Variants in NCAM1 observed in about 807,000 individuals in gnomAD.
NCAM1 encodes the protein antigen recognized by monoclonal antibody 5.1H11.
Under a neutral mutation model 109.8 loss-of-function variants are expected in NCAM1, and 14 were observed. The observed-to-expected ratio is 0.13, with a 90% CI of 0.08 to 0.20. NCAM1 has a LOEUF of 0.20. Among genes scored for constraint, NCAM1 ranks in the 10% least tolerant of loss-of-function variants. The pLI is 1.00. For missense variants in NCAM1, 774 were observed against 1,109.9 expected (o/e 0.70, Z 4.30); for synonymous variants, 418 against 442.9 (o/e 0.94, Z 0.70).
intron 7 of NCAM1, 81 bp from the exon 8 acceptor site, chr11:113,214,288 T>C (rs1944465476): frequency 1.4e-6 from 2 of 1,470,148 alleles, no homozygotes; most frequent in Admixed American, 3.8e-5. Flanking sequence ...AGCTAACCTT[T>C]GTTGGATAGG....
intron 1 of NCAM1, among the ~76,000 whole-genome samples, chr11:113,136,628 G>T (rs1342990455): frequency 6.6e-6 from 1 of 152,214 alleles, no homozygotes; most frequent in African/African-American, 2.4e-5. Context: ...GCTTCACAAA[G>T]ATTTGTCTTC....
chr11:113,006,730 A>G (rs1555073391), intron 1 of NCAM1, among the ~76,000 whole-genome samples: 1 of 152,182 alleles, frequency 6.6e-6, no homozygotes, highest in Admixed American at 6.5e-5. Flanking sequence ...AGGTGATAAG[A>G]CAAACATAAT....
At chr11:113,110,273 A>G (rs1216063945) in intron 1 of NCAM1, among the ~76,000 whole-genome samples, 3 of 152,184 alleles carry the variant, frequency 2.0e-5, no homozygotes, top group Non-Finnish European at 4.4e-5. Context: ...CCTGGCATGT[A>G]TTATGGCCTT....
At chr11:113,061,059 C>T (rs1359421063) in intron 1 of NCAM1, among the ~76,000 whole-genome samples, 1 of 152,184 alleles carries the variant, frequency 6.6e-6, no homozygotes, top group African/African-American at 2.4e-5. Flanking sequence ...ATCAACACCT[C>T]TCCATTTCCT....
At chr11:113,223,086 T>A (rs781799269) in intron 9 of NCAM1, among the ~76,000 whole-genome samples, 1 of 152,122 alleles carries the variant, frequency 6.6e-6, no homozygotes, top group Non-Finnish European at 1.5e-5. Context: ...ACCTTCATAT[T>A]TTTGGGGAAA....
At chr11:113,033,346 T>C (rs940399183) in intron 1 of NCAM1, among the ~76,000 whole-genome samples, 1 of 152,122 alleles carries the variant, frequency 6.6e-6, no homozygotes, top group Non-Finnish European at 1.5e-5. Context: ...GTTGTTCTTA[T>C]GAAAATACAG....
chr11:113,160,415 T>C (rs1555104162), intron 1 of NCAM1, among the ~76,000 whole-genome samples: 1 of 152,178 alleles, frequency 6.6e-6, no homozygotes, highest in African/African-American at 2.4e-5. Context: ...CCCTTTTATG[T>C]TGCCCAATTT....
intron 1 of NCAM1, among the ~76,000 whole-genome samples, chr11:113,150,139 A>T (rs1942174128): frequency 6.6e-6 from 1 of 152,236 alleles, no homozygotes; most frequent in South Asian, 2.1e-4. Context: ...AAACATTTCT[A>T]AGGTAAAAGT....
chr11:113,187,205 C>T (rs1181310523), intron 1 of NCAM1, among the ~76,000 whole-genome samples: 1 of 152,162 alleles, frequency 6.6e-6, no homozygotes, highest in Admixed American at 6.5e-5. Flanking sequence ...GGAAACTAGA[C>T]CCGACCTTCT....
intron 1 of NCAM1, among the ~76,000 whole-genome samples, chr11:113,094,729 G>A (rs148538951): frequency 1.3e-5 from 2 of 152,274 alleles, no homozygotes; most frequent in Admixed American, 6.5e-5. Flanking sequence ...ATGAGCCAGC[G>A]GCAGATAGGT....
At chr11:113,270,955 C>T (rs782090901) in intron 18 of NCAM1, among the ~76,000 whole-genome samples, 14 of 152,220 alleles carry the variant, frequency 9.2e-5, no homozygotes, top group Middle Eastern at 3.4e-3. Context: ...CAAGAGCCTT[C>T]GAAGACTGTC....
At chr11:113,071,566 C>T (rs1938265676) in intron 1 of NCAM1, among the ~76,000 whole-genome samples, 1 of 152,026 alleles carries the variant, frequency 6.6e-6, no homozygotes, top group African/African-American at 2.4e-5. Context: ...GCTGGGACTA[C>T]AGGCGCCTGC....
chr11:113,142,902 C>T (rs1941882472), intron 1 of NCAM1, among the ~76,000 whole-genome samples: 1 of 152,058 alleles, frequency 6.6e-6, no homozygotes, highest in South Asian at 2.1e-4. Context: ...ACAGTGGATA[C>T]CTATTTACCA....
intron 14 of NCAM1, chr11:113,242,687 C>A: frequency 2.4e-6 from 2 of 841,108 alleles, no homozygotes; most frequent in Non-Finnish European, 4.0e-6. Flanking sequence ...ATAATGATGC[C>A]TACATATGTA....
chr11:113,046,974 G>T (rs1236155442), intron 1 of NCAM1, among the ~76,000 whole-genome samples: 1 of 152,208 alleles, frequency 6.6e-6, no homozygotes, highest in African/African-American at 2.4e-5. Context: ...GTTCATAGAT[G>T]TGGAAATACA....
intron 1 of NCAM1, among the ~76,000 whole-genome samples, chr11:113,109,117 G>A (rs1478043350): frequency 6.6e-6 from 1 of 151,434 alleles, no homozygotes; most frequent in Non-Finnish European, 1.5e-5. Context: ...GGAGGCCAAG[G>A]CTGGTGGATC....
chr11:113,179,677 G>T (rs1321061596), intron 1 of NCAM1, among the ~76,000 whole-genome samples: 1 of 152,138 alleles, frequency 6.6e-6, no homozygotes, highest in African/African-American at 2.4e-5. Flanking sequence ...CTCATCCCCC[G>T]AAGGCAGGAT....
At chr11:113,031,044 C>T (rs536247687) in intron 1 of NCAM1, among the ~76,000 whole-genome samples, 5 of 152,186 alleles carry the variant, frequency 3.3e-5, no homozygotes, top group Non-Finnish European at 5.9e-5. Context: ...AATAAGGGAA[C>T]ACTGAATTGT....
At chr11:113,194,831 A>G (rs1943806085) in intron 1 of NCAM1, among the ~76,000 whole-genome samples, 1 of 152,190 alleles carries the variant, frequency 6.6e-6, no homozygotes, top group African/African-American at 2.4e-5. Context: ...GCGACTTTAG[A>G]CAGCATTTCC....
Sources: gnomAD v4.1 joint callset for allele counts (sites outside exome capture counted in the v4.1 genomes callset) on GRCh38, gnomAD v4.1.1 for gene constraint, MANE v1.5 for transcripts, NCBI Gene and HGNC (gene_info 2026-07-23, HGNC 2026-07-21) for gene names.